The following KCNN3 variants were observed in gnomAD, a reference collection of about 807,000 sequenced individuals.
KCNN3 encodes small conductance calcium-activated potassium channel protein 3.
A neutral mutation model predicts 62.9 loss-of-function variants in KCNN3; 16 were observed. That is an observed-to-expected ratio of 0.25 (90% CI 0.17 to 0.39). The LOEUF (loss-of-function observed/expected upper bound fraction) is 0.39, where lower values mean the gene tolerates loss of function less well. Ranked by LOEUF, KCNN3 falls within the 10% of genes least tolerant of loss-of-function variation. The pLI is 1.00. For missense variants in KCNN3, 599 were observed against 949.4 expected (o/e 0.63, Z 4.85); for synonymous variants, 370 against 389.2 (o/e 0.95, Z 0.58).
At chr1:154,852,040 C>T (rs1045822514) in intron 1 of KCNN3, among the ~76,000 whole-genome samples, 3 of 152,232 alleles carry the variant, frequency 2.0e-5, no homozygotes, top group African/African-American at 4.8e-5. Flanking sequence ...AGGCCTGCAC[C>T]GTCCAGTGTG....
chr1:154,857,001 A>ATGTG (rs1283926656), intron 1 of KCNN3, among the ~76,000 whole-genome samples: 2 of 152,142 alleles, frequency 1.3e-5, no homozygotes, highest in African/African-American at 4.8e-5. Context: ...CCCAAGCCAC[A>ATGTG]TGTGTGTGCC....
intron 1 of KCNN3, among the ~76,000 whole-genome samples, chr1:154,857,049 C>T (rs1362208688): frequency 2.0e-5 from 3 of 152,190 alleles, no homozygotes; most frequent in Non-Finnish European, 4.4e-5. Context: ...CCTGTTGTTA[C>T]TTGTTCAGTG....
At chr1:154,812,512 G>A (rs544491506) in intron 2 of KCNN3, among the ~76,000 whole-genome samples, 85 of 152,162 alleles carry the variant, frequency 5.6e-4, no homozygotes, top group African/African-American at 2.0e-3. Flanking sequence ...GCGGTGTTTG[G>A]TTTTTTGTCC....
At chr1:154,756,587 C>A (rs1353388587) in intron 3 of KCNN3, among the ~76,000 whole-genome samples, 2 of 152,088 alleles carry the variant, frequency 1.3e-5, no homozygotes, top group African/African-American at 4.8e-5. Flanking sequence ...AGAAGGCTCA[C>A]CCTCTTGGTC....
intron 1 of KCNN3, among the ~76,000 whole-genome samples, chr1:154,838,165 G>A (rs1330109079): frequency 1.3e-4 from 20 of 152,134 alleles, no homozygotes; most frequent in Admixed American, 6.5e-5. Flanking sequence ...AGGCGGCCAC[G>A]GGTGTGGAGA....
rs1397913614 is a variant in KCNN3, at chr1:154,782,547, A to C, written c.1030-10154T>G. On this transcript the variant is annotated intron_variant, in intron 2 of 7. Coordinates refer to ENST00000271915, the MANE Select transcript of KCNN3 (RefSeq NM_002249.6). ...GACCTCATCCTTATGACCTTATTTAAACTTAATTACCTCCCACAGACCCTT... is the reference window on the plus strand; with the variant it reads ...GACCTCATCCTTATGACCTTATTTACACTTAATTACCTCCCACAGACCCTT... Among the ~76,000 whole-genome samples, 3 of 152,202 alleles carry C rather than the reference A, an allele frequency of 2.0e-5. No homozygotes were observed. The East Asian group carries it at 5.8e-4, about 29-fold the overall frequency.
intron 3 of KCNN3, among the ~76,000 whole-genome samples, chr1:154,741,692 T>A (rs1700824646): frequency 6.9e-6 from 1 of 143,900 alleles, no homozygotes; most frequent in Non-Finnish European, 1.5e-5. Context: ...ATTTGAATAC[T>A]TTTTAAAACT....
rs191687350 is a variant in KCNN3 at position 154,782,420 on chromosome 1, G to A, written c.1030-10027C>T. Reference sequence around the variant, plus strand: ...GCCAACACGGTCAGGCTCTCTTCCCGGCTTGCAGGTGGCTGCCATCTCACT... The same window carrying A: ...GCCAACACGGTCAGGCTCTCTTCCCAGCTTGCAGGTGGCTGCCATCTCACT... On this transcript the variant is annotated intron_variant, in intron 2 of 7. Coordinates refer to ENST00000271915, the MANE Select transcript of KCNN3 (RefSeq NM_002249.6). Among the ~76,000 whole-genome samples the A allele has an allele frequency of 2.6e-5, 4 of 152,328 alleles. No homozygotes were observed. The East Asian group carries it at 5.8e-4, about 22-fold the overall frequency.
intron 1 of KCNN3, among the ~76,000 whole-genome samples, chr1:154,857,118 C>T (rs545338362): frequency 3.3e-5 from 5 of 152,210 alleles, no homozygotes; most frequent in Non-Finnish European, 5.9e-5. Context: ...CCCCCAGAAC[C>T]AACCAGAACA....
At chr1:154,765,794 TG>T (rs1557964460) in intron 3 of KCNN3, among the ~76,000 whole-genome samples, 24 of 140,952 alleles carry the variant, frequency 1.7e-4, no homozygotes, top group Admixed American at 2.8e-4. Flanking sequence ...ATGTTTTTTT[TG>T]GTTTTTTTTT....
intron 3 of KCNN3, among the ~76,000 whole-genome samples, chr1:154,734,937 T>C (rs893412125): frequency 2.6e-5 from 4 of 152,090 alleles, no homozygotes; most frequent in Admixed American, 6.6e-5. Context: ...GTCTTGGGAA[T>C]AATGAGGAAG....
chr1:154,803,843 TTC>T (rs1466656431), intron 2 of KCNN3, among the ~76,000 whole-genome samples: 1 of 152,188 alleles, frequency 6.6e-6, no homozygotes, highest in Non-Finnish European at 1.5e-5. Flanking sequence ...GCAGCAACCA[TTC>T]TCTCTACAGA....
intron 3 of KCNN3, among the ~76,000 whole-genome samples, chr1:154,738,111 A>G (rs554127398): frequency 6.6e-6 from 1 of 152,326 alleles, no homozygotes; most frequent in East Asian, 1.9e-4. Flanking sequence ...TTTCTAGATC[A>G]AAGGCTCACT....
chr1:154,773,104 G>T (rs979635877), intron 2 of KCNN3, among the ~76,000 whole-genome samples: 9 of 152,002 alleles, frequency 5.9e-5, no homozygotes, highest in African/African-American at 1.9e-4. Flanking sequence ...AGATGATTTC[G>T]TCACCCAGGT....
In KCNN3 at chr1:154,708,155, G is replaced by A; in HGVS notation, c.2017C>T (p.Leu673=). 1 of 1,613,764 alleles carries A rather than the reference G, an allele frequency of 6.2e-7. No individual in the cohort carries two copies. Residue 673 remains leucine (L), a synonymous_variant, in exon 8 of 8, where the codon CTG becomes TTG. Coordinates refer to ENST00000271915, the MANE Select transcript of KCNN3 (RefSeq NM_002249.6). ...LEHLTASFNS[L]PLLIADTLRQ... is the part of the protein sequence containing the mutation. ...AGGGTGTCGGCGATGAGCAGCGGCA[G>A]GGAGTTGAAGCTGGCGGTGAGATGC...
intron 1 of KCNN3, among the ~76,000 whole-genome samples, chr1:154,838,967 G>C (rs185752310): frequency 6.6e-6 from 1 of 152,138 alleles, no homozygotes; most frequent in African/African-American, 2.4e-5. Context: ...CCTACAGAAG[G>C]GCCAGTGCCA....
chr1:154,865,400 C>A (rs181271767), intron 1 of KCNN3, among the ~76,000 whole-genome samples: 2 of 152,034 alleles, frequency 1.3e-5, no homozygotes, highest in African/African-American at 2.4e-5. Flanking sequence ...CACCTGGTAC[C>A]TTTAGGAGCC....
chr1:154,708,373 C>T lies in KCNN3; in HGVS notation c.1900-101G>A, dbSNP rs994875370. On this transcript the variant is annotated intron_variant, in intron 7 of 7. Coordinates refer to ENST00000271915, the MANE Select transcript of KCNN3 (RefSeq NM_002249.6). ...ACGCCCTCCACAGTATGACAGGAGC[C>T]ACTTCCACACCAGCTGATCTGGTCA... is the stretch of plus-strand genomic sequence containing the variant. 3.6e-5 allele frequency: 41 copies of T among 1,148,210 alleles called. No homozygotes were observed. In the African/African-American group the frequency reaches 5.6e-4, roughly 16 times the overall value. The allele number at this position is 1,148,210 out of a possible 1,614,324, so 71.1% of individuals were successfully genotyped here. A position where few individuals can be genotyped will look rare whatever the true frequency, so the allele number is the denominator to read the frequency against.
At chr1:154,798,640 G>A (rs931598547) in intron 2 of KCNN3, among the ~76,000 whole-genome samples, 4 of 152,220 alleles carry the variant, frequency 2.6e-5, no homozygotes, top group African/African-American at 9.7e-5. Flanking sequence ...TAAGGGTAAT[G>A]GGGACCACAG....
Sources: gnomAD v4.1 joint callset for allele counts (sites outside exome capture counted in the v4.1 genomes callset) on GRCh38, gnomAD v4.1.1 for gene constraint, MANE v1.5 for transcripts, NCBI Gene and HGNC (gene_info 2026-07-23, HGNC 2026-07-21) for gene names.